Variants in SLC71A2 observed in about 807,000 individuals in gnomAD.
SLC71A2 encodes the protein solute carrier family 71 member 2, also known as hippocampus abundant transcript-like 1.
chr9:94,383,699 G>A, the SLC71A2 span, among the ~76,000 whole-genome samples: 1 of 152,108 alleles, frequency 6.6e-6, no homozygotes, highest in African/African-American at 2.4e-5. Flanking sequence ...AAAGCCTTTT[G>A]GGATTGTTAT....
chr9:94,434,338 C>T, the SLC71A2 span, among the ~76,000 whole-genome samples: 12 of 152,230 alleles, frequency 7.9e-5, no homozygotes, highest in African/African-American at 2.2e-4. Context: ...TTTTTTGAGA[C>T]GGAGTCCCAC....
the SLC71A2 span, among the ~76,000 whole-genome samples, chr9:94,426,652 GGAAGACAGTTCATTTC>G: frequency 6.6e-6 from 1 of 152,088 alleles, no homozygotes; most frequent in Non-Finnish European, 1.5e-5. Context: ...TTGTTGTACT[GGAAGACAGTTCATTTC>G]TTAAAACTTT....
chr9:94,438,912 G>C, the SLC71A2 span, among the ~76,000 whole-genome samples: 1 of 151,992 alleles, frequency 6.6e-6, no homozygotes, highest in Non-Finnish European at 1.5e-5. Context: ...GCTCATCGCT[G>C]TGGGGCACTG....
At chr9:94,445,334 T>G in the SLC71A2 span, 1 of 637,508 alleles carries the variant, frequency 1.6e-6, no homozygotes, top group Non-Finnish European at 2.7e-6. Flanking sequence ...AGGGATTGAG[T>G]TAGTCTTTGT....
the SLC71A2 span, chr9:94,451,429 T>A: frequency 8.4e-7 from 1 of 1,192,994 alleles, no homozygotes; most frequent in Non-Finnish European, 1.2e-6. Flanking sequence ...TCTATATTAC[T>A]AAAGTGTTTT....
the SLC71A2 span, chr9:94,454,201 C>G: frequency 3.2e-6 from 2 of 627,874 alleles, no homozygotes; most frequent in African/African-American, 1.8e-5. Flanking sequence ...TTGCAGAAAC[C>G]ATTAGGCTTT....
chr9:94,405,608 C>A, the SLC71A2 span, among the ~76,000 whole-genome samples: 6 of 151,830 alleles, frequency 4.0e-5, no homozygotes, highest in African/African-American at 1.5e-4. Context: ...GGTAGAAATA[C>A]AGGCACACAC....
chr9:94,456,127 A>G, the SLC71A2 span: 8 of 633,660 alleles, frequency 1.3e-5, no homozygotes, highest in Non-Finnish European at 2.1e-5. Flanking sequence ...AAAAATAAAT[A>G]AAATGTAACA....
At chr9:94,419,298 CTTTTTTTT>C in the SLC71A2 span, among the ~76,000 whole-genome samples, 1 of 132,666 alleles carries the variant, frequency 7.5e-6, no homozygotes, top group Non-Finnish European at 1.6e-5. Flanking sequence ...ACTTTTTTTT[CTTTTTTTT>C]TTTTTTTTGA....
chr9:94,410,068 A>G, the SLC71A2 span, among the ~76,000 whole-genome samples: 1 of 150,538 alleles, frequency 6.6e-6, no homozygotes, highest in Non-Finnish European at 1.5e-5. Flanking sequence ...TTTAGAGAGT[A>G]TTGATGCCGG....
chr9:94,460,966 T>C, the SLC71A2 span: 1 of 152,112 alleles, frequency 6.6e-6, no homozygotes, highest in Non-Finnish European at 1.5e-5. Flanking sequence ...CTCTTTTGGG[T>C]TCTCTGTTGG....
chr9:94,395,832 C>T, the SLC71A2 span, among the ~76,000 whole-genome samples: 1 of 152,116 alleles, frequency 6.6e-6, no homozygotes, highest in Non-Finnish European at 1.5e-5. Context: ...AGATGGTGAC[C>T]ATGGTCAGCT....
chr9:94,387,092 TG>T, the SLC71A2 span, among the ~76,000 whole-genome samples: 11 of 152,294 alleles, frequency 7.2e-5, no homozygotes, highest in East Asian at 2.1e-3. Context: ...GCATCAGCCC[TG>T]GGCCATCCTT....
the SLC71A2 span, chr9:94,459,314 C>T: frequency 7.4e-6 from 12 of 1,614,134 alleles, no homozygotes; most frequent in Middle Eastern, 1.6e-4. Context: ...CACCCCAGAA[C>T]GGGGCAGTGA....
At chr9:94,438,616 T>C in the SLC71A2 span, 2 of 1,547,788 alleles carry the variant, frequency 1.3e-6, no homozygotes, top group East Asian at 4.5e-5. Context: ...TCTTAACTAT[T>C]ACAAAGCAGT....
the SLC71A2 span, among the ~76,000 whole-genome samples, chr9:94,422,068 G>A: frequency 6.6e-6 from 1 of 152,168 alleles, no homozygotes; most frequent in Non-Finnish European, 1.5e-5. Flanking sequence ...ATTTTTAGTA[G>A]AGATGGGGTT....
At chr9:94,447,487 T>G in the SLC71A2 span, among the ~76,000 whole-genome samples, 118 of 151,456 alleles carry the variant, frequency 7.8e-4, no homozygotes, top group African/African-American at 2.7e-3. Context: ...GCCTGTTTTT[T>G]TTTTTTTTTT....
the SLC71A2 span, among the ~76,000 whole-genome samples, chr9:94,413,818 C>T: frequency 0.2 from 30,296 of 152,174 alleles, 3,248 homozygotes; most frequent in African/African-American, 0.28. Flanking sequence ...TCTGCAGTCA[C>T]CTGCAGGCCT....
At chr9:94,404,537 C>T in the SLC71A2 span, among the ~76,000 whole-genome samples, 1 of 152,136 alleles carries the variant, frequency 6.6e-6, no homozygotes, top group African/African-American at 2.4e-5. Flanking sequence ...CTCAAGTGAT[C>T]TGTCTGCCTC....
Sources: gnomAD v4.1 joint callset for allele counts (sites outside exome capture counted in the v4.1 genomes callset) on GRCh38, gnomAD v4.1.1 for gene constraint, MANE v1.5 for transcripts, NCBI Gene and HGNC (gene_info 2026-07-23, HGNC 2026-07-21) for gene names.